Variants in METTL15 observed in about 807,000 individuals in gnomAD.
METTL15 encodes methyltransferase 15, mitochondrial 12S rRNA N4-cytidine.
Under a neutral mutation model 38.3 loss-of-function variants are expected in METTL15, and 34 were observed. The observed-to-expected ratio is 0.89, with a 90% confidence interval of 0.68 to 1.18. The LOEUF (loss-of-function observed/expected upper bound fraction) is 1.18. Ranked by LOEUF, METTL15 falls within the 50% of genes most tolerant of loss-of-function variation. The probability of loss-of-function intolerance (pLI) is 0.00; values close to 1 mark genes in which losing one functional copy is unlikely to be tolerated. For missense variants in METTL15, 438 were observed against 498.4 expected, an observed-to-expected ratio of 0.88 and a Z score of 1.15; for synonymous variants, 162 against 170.9, an observed-to-expected ratio of 0.95 and a Z score of 0.41.
At chr11:28,446,691 G>A (rs562816931) in intron 6 of METTL15, among the ~76,000 whole-genome samples, 1 of 152,080 alleles carries the variant, frequency 6.6e-6, no homozygotes, top group East Asian at 1.9e-4. Context: ...GACTATCAAG[G>A]GGACATGTTA....
intron 5 of METTL15, among the ~76,000 whole-genome samples, chr11:28,389,622 A>G (rs1850480489): frequency 6.6e-6 from 1 of 151,828 alleles, no homozygotes; most frequent in Non-Finnish European, 1.5e-5. Context: ...TTCTTAATCC[A>G]GTCTATCATT....
intron 3 of METTL15, among the ~76,000 whole-genome samples, chr11:28,141,526 A>T (rs1849697248): frequency 6.6e-6 from 1 of 151,808 alleles, no homozygotes; most frequent in African/African-American, 2.4e-5. Flanking sequence ...CTACAAAAAA[A>T]TTAAAAAAAA....
chr11:28,143,061 A>G (rs1849754070), intron 3 of METTL15, among the ~76,000 whole-genome samples: 1 of 152,128 alleles, frequency 6.6e-6, no homozygotes, highest in Non-Finnish European at 1.5e-5. Context: ...CTGTAAAGGT[A>G]GGTGTGTGGC....
intron 3 of METTL15, chr11:28,197,315 G>T (rs1232753639): frequency 5.0e-6 from 1 of 200,868 alleles, no homozygotes; most frequent in Non-Finnish European, 1.1e-5. Flanking sequence ...AATATCTTTT[G>T]TATTGCTAAA....
intron 5 of METTL15, among the ~76,000 whole-genome samples, chr11:28,416,776 G>A (rs1850775975): frequency 6.6e-6 from 1 of 152,170 alleles, no homozygotes; most frequent in Non-Finnish European, 1.5e-5. Flanking sequence ...TGTTTGCCAG[G>A]AGTTCCAATC....
chr11:28,296,218 A>G (rs905467128), intron 5 of METTL15, among the ~76,000 whole-genome samples: 6 of 152,264 alleles, frequency 3.9e-5, no homozygotes, highest in African/African-American at 1.4e-4. Flanking sequence ...TTAAAGTTGT[A>G]TGAGTTTTTG....
chr11:28,451,632 A>G (rs1396145320), intron 6 of METTL15, among the ~76,000 whole-genome samples: 1 of 152,196 alleles, frequency 6.6e-6, no homozygotes, highest in Non-Finnish European at 1.5e-5. Context: ...ATATTAGTGA[A>G]TGGATTTGGC....
At chr11:28,122,450 T>C (rs1852293141) in intron 3 of METTL15, among the ~76,000 whole-genome samples, 1 of 151,162 alleles carries the variant, frequency 6.6e-6, no homozygotes, top group Non-Finnish European at 1.5e-5. Context: ...TAACAGTTTT[T>C]TAGAGTTTTA....
At chr11:28,208,480 T>C (rs1444830677) in intron 3 of METTL15, among the ~76,000 whole-genome samples, 3 of 152,138 alleles carry the variant, frequency 2.0e-5, no homozygotes, top group South Asian at 2.1e-4. Flanking sequence ...AGAGACAGTT[T>C]GTTATAATTT....
intron 4 of METTL15, among the ~76,000 whole-genome samples, chr11:28,273,708 A>G (rs1855733597): frequency 6.6e-6 from 1 of 152,118 alleles, no homozygotes; most frequent in Non-Finnish European, 1.5e-5. Context: ...GACACTGTAT[A>G]TATGTATTAA....
intron 5 of METTL15, among the ~76,000 whole-genome samples, chr11:28,374,857 T>A (rs1454329732): frequency 6.6e-6 from 1 of 150,570 alleles, no homozygotes; most frequent in Non-Finnish European, 1.5e-5. Flanking sequence ...CCTAATTTAT[T>A]GAGAGTTTTT....
chr11:28,476,386 T>C (rs967830339), intron 6 of METTL15, among the ~76,000 whole-genome samples: 1 of 152,188 alleles, frequency 6.6e-6, no homozygotes, highest in African/African-American at 2.4e-5. Context: ...AGATGGTAGA[T>C]AAGGCAATAG....
At chr11:28,180,006 C>T (rs1431777429) in intron 3 of METTL15, among the ~76,000 whole-genome samples, 1 of 151,574 alleles carries the variant, frequency 6.6e-6, no homozygotes, top group Non-Finnish European at 1.5e-5. Flanking sequence ...ATATTAAGTA[C>T]CCCTGAGAAA....
At chr11:28,351,867 T>C (rs895595203) in intron 3 of METTL15, among the ~76,000 whole-genome samples, 5 of 152,200 alleles carry the variant, frequency 3.3e-5, no homozygotes, top group Non-Finnish European at 7.3e-5. Context: ...CTGTTTACGT[T>C]TTATAAACTT....
At chr11:28,115,071 T>C (rs1851881454) in intron 3 of METTL15, among the ~76,000 whole-genome samples, 1 of 152,070 alleles carries the variant, frequency 6.6e-6, no homozygotes, top group South Asian at 2.1e-4. Context: ...GTATTAGAGT[T>C]CCCCAGAGAA....
chr11:28,134,838 AGC>A (rs1849462637), intron 3 of METTL15, among the ~76,000 whole-genome samples: 1 of 152,228 alleles, frequency 6.6e-6, no homozygotes, highest in African/African-American at 2.4e-5. Flanking sequence ...GCTGGTAGCT[AGC>A]TATAGTTACT....
At chr11:28,488,090 C>T (rs1851452916) in intron 6 of METTL15, among the ~76,000 whole-genome samples, 1 of 152,044 alleles carries the variant, frequency 6.6e-6, no homozygotes, top group African/African-American at 2.4e-5. Context: ...TTTATTTATA[C>T]AACAGTTTCC....
intron 4 of METTL15, chr11:28,287,548 A>T: frequency 3.2e-6 from 1 of 312,474 alleles, no homozygotes; most frequent in Non-Finnish European, 6.1e-6. Context: ...GCTCGGCCTA[A>T]TAAGAACCTC....
intron 3 of METTL15, among the ~76,000 whole-genome samples, chr11:28,174,740 G>T (rs117344758): frequency 2.8e-4 from 42 of 151,216 alleles, no homozygotes; most frequent in African/African-American, 9.7e-4. Flanking sequence ...GTATGAAGCC[G>T]GGGGGCGGAG....
Sources: allele counts gnomAD v4.1 joint callset (sites outside exome capture counted in the v4.1 genomes callset), GRCh38; gene constraint gnomAD v4.1.1; transcripts MANE v1.5; gene names NCBI Gene and HGNC (gene_info 2026-07-23, HGNC 2026-07-21).